GRM8: variants seen among roughly 807,000 people sequenced by gnomAD.
GRM8 encodes metabotropic glutamate receptor 8.
Under a neutral mutation model 87.2 loss-of-function variants are expected in GRM8, and 47 were observed. That is an observed-to-expected ratio of 0.54 (90% confidence interval 0.43 to 0.69). The LOEUF (loss-of-function observed/expected upper bound fraction) is 0.69. GRM8 is among the 30% of genes least tolerant of loss of function. The pLI is 0.00. For missense variants in GRM8, 1,019 were observed against 1,139.2 expected (o/e 0.89, Z 1.52); for synonymous variants, 396 against 404.5 (o/e 0.98, Z 0.25).
chr7:126,920,980 G>T (rs1050577071), intron 3 of GRM8, among the ~76,000 whole-genome samples: 3 of 152,034 alleles, frequency 2.0e-5, no homozygotes, highest in Admixed American at 2.0e-4. Flanking sequence ...AAAGCCCACT[G>T]GCCAATGAAT....
At chr7:127,199,790 G>T (rs565924385) in intron 2 of GRM8, among the ~76,000 whole-genome samples, 27 of 152,268 alleles carry the variant, frequency 1.8e-4, no homozygotes, top group African/African-American at 6.5e-4. Context: ...TTAGCTAGAG[G>T]AACACGATGA....
chr7:126,766,146 A>G (rs1163460793), intron 7 of GRM8, among the ~76,000 whole-genome samples: 1 of 152,124 alleles, frequency 6.6e-6, no homozygotes, highest in African/African-American at 2.4e-5. Flanking sequence ...AATCTTTTAC[A>G]TATCTTTAAA....
At chr7:126,658,233 T>C (rs977242641) in intron 7 of GRM8, among the ~76,000 whole-genome samples, 3 of 152,228 alleles carry the variant, frequency 2.0e-5, no homozygotes, top group African/African-American at 4.8e-5. Flanking sequence ...AGCTGAGTTA[T>C]GGCTCCCAGA....
At chr7:126,554,556 G>A (rs979586832) in intron 8 of GRM8, among the ~76,000 whole-genome samples, 1 of 152,050 alleles carries the variant, frequency 6.6e-6, no homozygotes, top group Non-Finnish European at 1.5e-5. Flanking sequence ...TCGTGCCACT[G>A]CACTCCAGCC....
chr7:126,901,634 A>C (rs1802085274), intron 6 of GRM8, among the ~76,000 whole-genome samples: 1 of 152,160 alleles, frequency 6.6e-6, no homozygotes, highest in African/African-American at 2.4e-5. Flanking sequence ...TTTCCAAAGA[A>C]AGTGAGGAGG....
At chr7:126,826,921 C>G (rs1278701637) in intron 6 of GRM8, among the ~76,000 whole-genome samples, 2 of 152,172 alleles carry the variant, frequency 1.3e-5, no homozygotes, top group Non-Finnish European at 2.9e-5. Context: ...CCAGTTTCAG[C>G]TTTCTCCATA....
Position 126,832,151 on chromosome 7 carries a change from C to T in GRM8, c.1157-62086G>A, listed in dbSNP as rs770199267. Among the ~76,000 whole-genome samples, 28 of 145,540 alleles carry T rather than the reference C, an allele frequency of 1.9e-4. 1 individual carries two copies. The highest frequency in any genetic ancestry group is 8.0e-4 in the East Asian group (4 of 5,002). On this transcript the variant is annotated intron_variant, in intron 6 of 10. Coordinates refer to ENST00000339582, the MANE Select transcript of GRM8 (RefSeq NM_000845.3). Reference sequence around the variant, plus strand: ...TCAGATCATTGTCCAAGAGTTAGTACGCAACATAGTGCCATCTTCCAAAAA... The same window carrying T: ...TCAGATCATTGTCCAAGAGTTAGTATGCAACATAGTGCCATCTTCCAAAAA...
chr7:126,509,552 C>T lies in GRM8; in HGVS notation c.2430+23400G>A, dbSNP rs533852477. 2.6e-5 allele frequency among the ~76,000 whole-genome samples: 4 copies of T among 152,118 alleles called. No individual in the cohort carries two copies. In the South Asian group the frequency reaches 8.3e-4, roughly 32 times the overall value. On this transcript the variant is annotated intron_variant, in intron 9 of 10. Transcript: ENST00000339582. The stretch of plus-strand genomic sequence containing the variant: ...TAATAATAAAAGTATTATTACAAAT[C>T]AGTGAATGATTACTATATCCCAGGC...
intron 8 of GRM8, among the ~76,000 whole-genome samples, chr7:126,582,616 A>G (rs902868458): frequency 1.1e-4 from 17 of 152,330 alleles, no homozygotes; most frequent in African/African-American, 3.8e-4. Context: ...AAAGAAGTCA[A>G]TGCCTGGCTT....
chr7:126,483,264 A>C (rs1806930766), intron 9 of GRM8, among the ~76,000 whole-genome samples: 1 of 150,526 alleles, frequency 6.6e-6, no homozygotes, highest in Non-Finnish European at 1.5e-5. Flanking sequence ...CCCTAACCAA[A>C]ATTGAAAAAC....
intron 2 of GRM8, among the ~76,000 whole-genome samples, chr7:127,237,883 C>A (rs1166324162): frequency 6.6e-6 from 1 of 152,188 alleles, no homozygotes; most frequent in Non-Finnish European, 1.5e-5. Flanking sequence ...AATATTCAAT[C>A]TTTGCTCAAA....
At chr7:127,214,591 C>T (rs1438040617) in intron 2 of GRM8, among the ~76,000 whole-genome samples, 2 of 152,152 alleles carry the variant, frequency 1.3e-5, no homozygotes, top group Non-Finnish European at 2.9e-5. Flanking sequence ...AAGCAAGTCA[C>T]GTCTTACATG....
intron 9 of GRM8, among the ~76,000 whole-genome samples, chr7:126,480,123 A>G (rs7792275): frequency 0.31 from 46,656 of 151,802 alleles, 7,953 homozygotes; most frequent in Non-Finnish European, 0.37. Flanking sequence ...AGTGGTGCAC[A>G]CCTGTAATTC....
chr7:126,604,216 C>G (rs1049872736), intron 8 of GRM8, among the ~76,000 whole-genome samples: 11 of 152,008 alleles, frequency 7.2e-5, no homozygotes, highest in African/African-American at 2.7e-4. Context: ...TTTAATGGAG[C>G]AAAATTCCAT....
intron 6 of GRM8, among the ~76,000 whole-genome samples, chr7:126,775,195 G>A (rs1819281970): frequency 1.4e-5 from 2 of 139,816 alleles, no homozygotes; most frequent in Admixed American, 1.5e-4. Context: ...GTTTCTTGGA[G>A]TTGCTCTGGA....
chr7:127,109,508 T>C (rs1375896549), intron 2 of GRM8, among the ~76,000 whole-genome samples: 2 of 152,112 alleles, frequency 1.3e-5, no homozygotes, highest in Non-Finnish European at 2.9e-5. Context: ...ACCAGGGAGA[T>C]TTAATGCTCT....
At chr7:127,172,858 T>A (rs1364295171) in intron 2 of GRM8, among the ~76,000 whole-genome samples, 2 of 152,218 alleles carry the variant, frequency 1.3e-5, no homozygotes, top group African/African-American at 4.8e-5. Flanking sequence ...CAAACATGCT[T>A]TGTACCAACA....
intron 7 of GRM8, among the ~76,000 whole-genome samples, chr7:126,754,024 C>A (rs1214065156): frequency 6.6e-6 from 1 of 151,770 alleles, no homozygotes; most frequent in Non-Finnish European, 1.5e-5. Context: ...AGGGAACCAC[C>A]GCCGGATAAT....
intron 3 of GRM8, among the ~76,000 whole-genome samples, chr7:126,960,675 T>C (rs1043387840): frequency 6.6e-6 from 1 of 152,200 alleles, no homozygotes; most frequent in Admixed American, 6.5e-5. Context: ...CCAGAAAAAC[T>C]ATTTTTGGAT....
Sources: gnomAD v4.1 joint callset for allele counts (sites outside exome capture counted in the v4.1 genomes callset) on GRCh38, gnomAD v4.1.1 for gene constraint, MANE v1.5 for transcripts, NCBI Gene and HGNC (gene_info 2026-07-23, HGNC 2026-07-21) for gene names.